The following RXFP2 variants were observed in gnomAD, a reference collection of about 807,000 sequenced individuals.
RXFP2 encodes relaxin family peptide receptor 2.
A neutral mutation model predicts 88.6 loss-of-function variants in RXFP2; 68 were observed. That is an observed-to-expected ratio of 0.77 (90% CI 0.63 to 0.94). The LOEUF is 0.94. Ranked by LOEUF, RXFP2 falls within the 40% of genes least tolerant of loss-of-function variation. RXFP2 has a pLI of 0.00. For missense variants in RXFP2, 791 were observed against 893.9 expected (o/e 0.88, Z 1.47); for synonymous variants, 329 against 306.8 (o/e 1.07, Z -0.76).
At chr13:31,773,064 C>A (rs899893450) in intron 5 of RXFP2, among the ~76,000 whole-genome samples, 1 of 152,100 alleles carries the variant, frequency 6.6e-6, no homozygotes, top group African/African-American at 2.4e-5. Context: ...TAACATAATT[C>A]ATCATATTAA....
chr13:31,761,585 C>A (rs1486698151), intron 2 of RXFP2, 139 bp from the exon 3 acceptor site: 1 of 637,494 alleles, frequency 1.6e-6, no homozygotes, highest in African/African-American at 1.8e-5. Context: ...AACTTTTTCT[C>A]TCTTACTATG....
chr13:31,795,387 C>T (rs908891936), intron 16 of RXFP2, among the ~76,000 whole-genome samples: 6 of 152,026 alleles, frequency 3.9e-5, no homozygotes, highest in Non-Finnish European at 8.8e-5. Context: ...TGACCTCAAG[C>T]GATCCGCCCA....
intron 1 of RXFP2, among the ~76,000 whole-genome samples, chr13:31,755,132 T>C (rs1244317780): frequency 6.6e-6 from 1 of 152,188 alleles, no homozygotes; most frequent in African/African-American, 2.4e-5. Context: ...GTTAAGTAGC[T>C]TACCTGAGGT....
chr13:31,780,120 A>G (rs1873196189), intron 9 of RXFP2, among the ~76,000 whole-genome samples: 1 of 152,236 alleles, frequency 6.6e-6, no homozygotes, highest in Non-Finnish European at 1.5e-5. Context: ...AACCAGCCTC[A>G]GAGCTCAGGG....
intron 1 of RXFP2, among the ~76,000 whole-genome samples, chr13:31,743,575 C>A (rs1251708178): frequency 6.6e-6 from 1 of 152,108 alleles, no homozygotes; most frequent in Admixed American, 6.5e-5. Context: ...TTCTAGTCCT[C>A]CTTTCCCATC....
chr13:31,786,653 C>A lies in RXFP2; in HGVS notation c.1073+16C>A, dbSNP rs947099515. ...TTCAGTCTCTGTAAGTGAAATATTACAATTATATTGATTATAATTTTAGTG... is the reference window on the plus strand; with the variant it reads ...TTCAGTCTCTGTAAGTGAAATATTAAAATTATATTGATTATAATTTTAGTG... On this transcript the variant is annotated intron_variant, in intron 13 of 17. Coordinates refer to ENST00000298386, the MANE Select transcript of RXFP2 (RefSeq NM_130806.5). 1 of 1,434,686 alleles carries A rather than the reference C, an allele frequency of 7.0e-7. No individual in the cohort carries two copies. The highest frequency in any genetic ancestry group is 9.8e-7 in the Non-Finnish European group (1 of 1,019,530). The allele number at this position is 1,434,686 out of a possible 1,614,324, so 88.9% of individuals were successfully genotyped here. A position where few individuals can be genotyped will look rare whatever the true frequency, so the allele number is the denominator to read the frequency against.
intron 9 of RXFP2, 63 bp from the exon 10 acceptor site, chr13:31,781,608 G>A: frequency 8.6e-7 from 1 of 1,168,748 alleles, no homozygotes; most frequent in Non-Finnish European, 1.3e-6. Context: ...ATTTTAAAAA[G>A]TATCTCTAAG....
At position 31,756,969 on chromosome 13, in the gene RXFP2, A is replaced by G. The variant is rs143117301; in HGVS notation, c.95-1289A>G. Among the ~76,000 whole-genome samples the G allele has an allele frequency of 5.8e-3, 877 of 152,306 alleles. 5 individuals carry two copies. The highest frequency in any genetic ancestry group is 0.02 in the African/African-American group (835 of 41,566). On this transcript the variant is annotated intron_variant, in intron 1 of 17. Transcript: ENST00000298386. Reference sequence around the variant, plus strand: ...CTTCTGTAATTTTATTAGCCAACTTAAAACATGTCTCTTTATTTTCTGAAA... The same window carrying G: ...CTTCTGTAATTTTATTAGCCAACTTGAAACATGTCTCTTTATTTTCTGAAA...
At chr13:31,789,496 G>A (rs1212074988) in intron 14 of RXFP2, among the ~76,000 whole-genome samples, 1 of 152,168 alleles carries the variant, frequency 6.6e-6, no homozygotes. Flanking sequence ...GTACTCAGGC[G>A]ACCTGGAAAC....
At chr13:31,799,516 C>T (rs931897985) in intron 17 of RXFP2, among the ~76,000 whole-genome samples, 3 of 152,048 alleles carry the variant, frequency 2.0e-5, no homozygotes, top group East Asian at 1.9e-4. Context: ...AGCCTGACCC[C>T]GTCTCCACAC....
At chr13:31,775,234 A>G (rs1872893202) in intron 6 of RXFP2, 84 bp from the exon 7 acceptor site, 1 of 1,084,004 alleles carries the variant, frequency 9.2e-7, no homozygotes, top group Non-Finnish European at 1.4e-6. Context: ...ATCCATAATC[A>G]TCATCAGTGG....
intron 2 of RXFP2, among the ~76,000 whole-genome samples, chr13:31,758,803 C>T (rs532298549): frequency 1.3e-5 from 2 of 151,960 alleles, no homozygotes; most frequent in African/African-American, 2.4e-5. Flanking sequence ...TTTGGAAGGC[C>T]GAGGCAGGTG....
At chr13:31,762,509 T>A (rs186310570) in intron 3 of RXFP2, among the ~76,000 whole-genome samples, 1 of 152,044 alleles carries the variant, frequency 6.6e-6, no homozygotes, top group African/African-American at 2.4e-5. Context: ...CCATGAAGGG[T>A]TTTGGTGTAC....
intron 1 of RXFP2, among the ~76,000 whole-genome samples, chr13:31,755,164 A>C (rs1228509496): frequency 6.6e-6 from 1 of 152,216 alleles, no homozygotes; most frequent in Non-Finnish European, 1.5e-5. Flanking sequence ...TGAGTGGCAG[A>C]GAGAATTCTA....
intron 2 of RXFP2, among the ~76,000 whole-genome samples, chr13:31,759,717 A>G (rs761144271): frequency 3.9e-5 from 6 of 152,142 alleles, no homozygotes; most frequent in South Asian, 2.1e-4. Context: ...GTTAATCCAA[A>G]AGAATCCTGT....
intron 17 of RXFP2, among the ~76,000 whole-genome samples, chr13:31,799,700 C>T (rs140756634): frequency 2.2e-4 from 33 of 152,268 alleles, no homozygotes; most frequent in Non-Finnish European, 4.9e-4. Flanking sequence ...TCTAGATGGT[C>T]CCTCAAATTC....
At chr13:31,771,950 A>C (rs1872750540) in intron 5 of RXFP2, among the ~76,000 whole-genome samples, 1 of 105,298 alleles carries the variant, frequency 9.5e-6, no homozygotes, top group Non-Finnish European at 2.1e-5. Flanking sequence ...TTAGGCATCC[A>C]AAAAAAAACA....
intron 1 of RXFP2, among the ~76,000 whole-genome samples, chr13:31,753,372 G>A (rs976084523): frequency 8.6e-5 from 13 of 152,030 alleles, no homozygotes; most frequent in African/African-American, 1.2e-4. Flanking sequence ...GCACAGACAC[G>A]TCCAGAATAT....
chr13:31,797,953 AC>A (rs1874135141), intron 17 of RXFP2, among the ~76,000 whole-genome samples: 1 of 152,086 alleles, frequency 6.6e-6, no homozygotes, highest in South Asian at 2.1e-4. Flanking sequence ...AGAGAAAATC[AC>A]CTTTCCTTAG....
Sources: gnomAD v4.1 joint callset for allele counts (sites outside exome capture counted in the v4.1 genomes callset) on GRCh38, gnomAD v4.1.1 for gene constraint, MANE v1.5 for transcripts, NCBI Gene and HGNC (gene_info 2026-07-23, HGNC 2026-07-21) for gene names.